PLEKHB1: variants seen among roughly 807,000 people sequenced by gnomAD.
PLEKHB1 encodes pleckstrin homology domain-containing family B member 1.
Under a neutral mutation model 36.2 loss-of-function variants are expected in PLEKHB1, and 29 were observed. That is an observed-to-expected ratio of 0.80 (90% CI 0.60 to 1.09). The LOEUF (loss-of-function observed/expected upper bound fraction) is 1.09, where lower values mean the gene tolerates loss of function less well. PLEKHB1 is among the 50% of genes least tolerant of loss of function. PLEKHB1 has a pLI of 0.00. For synonymous variants in PLEKHB1, 138 were observed against 140.0 expected, an observed-to-expected ratio of 0.99 and a Z score of 0.10; for missense variants, 330 against 348.2, an observed-to-expected ratio of 0.95 and a Z score of 0.42.
Position 73,655,898 on chromosome 11 carries a change from G to A in PLEKHB1, c.486G>A (p.Arg162=), listed in dbSNP as rs1239502302. The change falls in exon 6 of 8, where the codon AGG becomes AGA. Residue 162 remains arginine (R), a synonymous_variant. Transcript: ENST00000354190. ...CGTGGAGCCCCTGTAAGGTTGAGAG[G>A]CGGATCTGGGTAAGTGCTGGCTCGG... ...TRSWSPCKVE[R]RIWVRVYSPY... is the part of the protein sequence containing the mutation. 1 of 1,613,636 alleles carries A rather than the reference G, an allele frequency of 6.2e-7. No homozygotes were observed. The highest frequency in any genetic ancestry group is 1.3e-5 in the African/African-American group (1 of 74,874).
intron 2 of PLEKHB1, 140 bp downstream of exon 2, chr11:73,649,227 G>C: frequency 9.1e-7 from 1 of 1,102,302 alleles, no homozygotes; most frequent in Non-Finnish European, 1.3e-6. Flanking sequence ...TCTGCCTGAA[G>C]GTCCTTCCCA....
chr11:73,647,916 G>C, intron 1 of PLEKHB1: 1 of 985,460 alleles, frequency 1.0e-6, no homozygotes, highest in Non-Finnish European at 1.2e-6. Flanking sequence ...GTGGGGGAGG[G>C]GCGGAGGCAC....
chr11:73,648,710 T>A (rs1010176515), intron 1 of PLEKHB1: 13 of 1,110,894 alleles, frequency 1.2e-5, no homozygotes, highest in South Asian at 2.7e-5. Flanking sequence ...ATCTAGAAAC[T>A]GAGACCAGGA....
Position 73,660,839 on chromosome 11 carries a change from A to G in PLEKHB1, c.582A>G (p.Gly194=). The change falls in exon 7 of 8, where the codon GGA becomes GGG. Residue 194 remains glycine, a synonymous_variant. Coordinates refer to ENST00000354190, the MANE Select transcript of PLEKHB1 (RefSeq NM_021200.3). ...CCACGTATGTCCGCAGCTACTACGG[A>G]CCGCCCTACGCAGGTAAGTCTCCAG... ...HEATYVRSYY[G]PPYAGPGVTH... is the part of the protein sequence containing the mutation. 2 of 1,592,532 alleles carry G rather than the reference A, an allele frequency of 1.3e-6. No homozygotes were observed. Among genetic ancestry groups the G allele is most frequent in the South Asian group, 1.2e-5 (1 of 86,856 alleles).
In PLEKHB1 at chr11:73,662,166, G is replaced by C. The variant is rs1945139845; in HGVS notation, c.*564G>C. 1 of 152,636 alleles carries C rather than the reference G, an allele frequency of 6.6e-6. No individual in the cohort carries two copies. Among genetic ancestry groups the C allele is most frequent in the Non-Finnish European group, 1.5e-5 (1 of 68,274 alleles). The allele number at this position is 152,636 out of a possible 1,614,324, so 9.5% of individuals were successfully genotyped here. ...TTAAATGGGAGTTCATTTGGGCTGG[G>C]GTGGAGGCTGGGATCAGACCGTGGT... is the stretch of plus-strand genomic sequence containing the variant. On this transcript the variant is annotated 3_prime_UTR_variant, in exon 8 of 8. Transcript: ENST00000354190.
intron 5 of PLEKHB1, chr11:73,653,425 A>G (rs1043373107): frequency 6.4e-6 from 3 of 471,292 alleles, no homozygotes; most frequent in South Asian, 4.6e-5. Context: ...AGCTGCTACT[A>G]TGGGCCAGGT....
chr11:73,659,941 T>A (rs1945070154), intron 6 of PLEKHB1, among the ~76,000 whole-genome samples: 2 of 152,158 alleles, frequency 1.3e-5, no homozygotes, highest in African/African-American at 2.4e-5. Context: ...CAATTTTGGG[T>A]CAATGATGGA....
chr11:73,649,286 C>T lies in PLEKHB1; in HGVS notation c.94+199C>T, dbSNP rs142513754. 2.6e-3 allele frequency among the ~76,000 whole-genome samples: 401 copies of T among 152,316 alleles called. 2 individuals carry two copies. The highest frequency in any genetic ancestry group is 9.0e-3 in the African/African-American group (375 of 41,572). On this transcript the variant is annotated intron_variant, in intron 2 of 7. Transcript: ENST00000354190. ...TCTATTTGTTCATCACGACCCATCT[C>T]AGATGGGCCCCTCTCTGAGGAGCCT...
At chr11:73,647,499 G>T in intron 1 of PLEKHB1, 2 of 947,754 alleles carry the variant, frequency 2.1e-6, no homozygotes, top group Non-Finnish European at 2.5e-6. Flanking sequence ...CAGCTCTACA[G>T]GGGTAGACTA....
intron 3 of PLEKHB1, 176 bp from the exon 4 acceptor site, chr11:73,651,603 ATGGAAAGGT>A (rs916865745): frequency 4.5e-6 from 3 of 668,272 alleles, no homozygotes; most frequent in East Asian, 2.8e-5. Flanking sequence ...AAGCCTCAGC[ATGGAAAGGT>A]TGGAAAGGTT....
chr11:73,661,466 G>T lies in PLEKHB1; in HGVS notation c.596G>T (p.Gly199Val). 1 of 1,613,776 alleles carries T rather than the reference G, an allele frequency of 6.2e-7. No homozygotes were observed. Among genetic ancestry groups the T allele is most frequent in the South Asian group, 1.1e-5 (1 of 91,082 alleles). The part of the protein sequence containing the change: ...VRSYYGPPYA[G>V]PGVTHVIVRE... ...CCTCATGGGCTGTCTCCCTCTGCAG[G>T]CCCTGGCGTGACGCACGTGATAGTG... The change falls in exon 8 of 8, where the codon GGC (glycine) becomes GTC (valine). Residue 199 changes from glycine to valine, a missense_variant and splice_region_variant. Gly to Val is a moderately radical substitution (Grantham distance 109). Coordinates refer to ENST00000354190, the MANE Select transcript of PLEKHB1 (RefSeq NM_021200.3). This position sits in a 1 kb window ranked among gnomAD's most constrained non-coding sequence, Gnocchi z 4.6.
Position 73,648,996 on chromosome 11 carries a change from G to C in PLEKHB1, c.19-16G>C, listed in dbSNP as rs138039493. 1.0e-5 allele frequency: 16 copies of C among 1,580,710 alleles called. No homozygotes were observed. Among genetic ancestry groups the C allele is most frequent in the Non-Finnish European group, 1.3e-5 (15 of 1,163,222 alleles). The stretch of plus-strand genomic sequence containing the variant: ...GCTGCTGCTGAGGCCTGTGTCTCCC[G>C]TGGCTCCTCTGACAGGTCCCGCCTG... On this transcript the variant is annotated splice_polypyrimidine_tract_variant and intron_variant, in intron 1 of 7. Coordinates refer to ENST00000354190, the MANE Select transcript of PLEKHB1 (RefSeq NM_021200.3).
intron 2 of PLEKHB1, among the ~76,000 whole-genome samples, 189 bp downstream of exon 2, chr11:73,649,276 C>A (rs576909313): frequency 8.5e-5 from 13 of 152,268 alleles, no homozygotes; most frequent in Non-Finnish European, 1.6e-4. Context: ...TTGTTCATCA[C>A]GACCCATCTC....
chr11:73,653,360 C>G (rs1222433250), intron 5 of PLEKHB1: 7 of 553,232 alleles, frequency 1.3e-5, no homozygotes, highest in South Asian at 7.6e-5. Flanking sequence ...TTATTGTTCT[C>G]TCTCTGCAGA....
At chr11:73,653,069 A>C in intron 5 of PLEKHB1, 55 bp downstream of exon 5, 1 of 1,542,074 alleles carries the variant, frequency 6.5e-7, no homozygotes, top group Non-Finnish European at 8.9e-7. Flanking sequence ...CCATGGAATC[A>C]TGAGTGACTC....
chr11:73,661,247 G>T lies in PLEKHB1; in HGVS notation c.596-219G>T, dbSNP rs78737681. Among the ~76,000 whole-genome samples, 22 of 152,320 alleles carry T rather than the reference G, an allele frequency of 1.4e-4. No individual in the cohort carries two copies. In the South Asian group the frequency reaches 4.6e-3, roughly 32 times the overall value. On this transcript the variant is annotated intron_variant, in intron 7 of 7. Transcript: ENST00000354190. The surrounding 1 kb of genome is among the most constrained non-coding windows in gnomAD (Gnocchi z 4.6). ...CCTCGCTGCTCCGCCCTAGCCTGCCGTAGCGGACCCGTAGGTTCCGGGACA... is the reference window on the plus strand; with the variant it reads ...CCTCGCTGCTCCGCCCTAGCCTGCCTTAGCGGACCCGTAGGTTCCGGGACA...
intron 5 of PLEKHB1, among the ~76,000 whole-genome samples, chr11:73,655,066 C>T (rs1944965589): frequency 6.6e-6 from 1 of 152,150 alleles, no homozygotes; most frequent in African/African-American, 2.4e-5. Flanking sequence ...TGGGGCAAGT[C>T]AGTTCCACCA....
chr11:73,650,454 T>TA (rs1434430941), intron 2 of PLEKHB1, 99 bp from the exon 3 acceptor site: 1 of 1,341,440 alleles, frequency 7.5e-7, no homozygotes, highest in Non-Finnish European at 1.0e-6. Context: ...GTTGTAACAC[T>TA]AGGGACTGAG....
At chr11:73,660,597 G>GCCTTTCTC in intron 6 of PLEKHB1, 156 bp from the exon 7 acceptor site, 1 of 666,950 alleles carries the variant, frequency 1.5e-6, no homozygotes, top group Non-Finnish European at 2.6e-6. Context: ...GGAGGGCAGG[G>GCCTTTCTC]CCTTTCTCCA....
Sources: allele counts gnomAD v4.1 joint callset (sites outside exome capture counted in the v4.1 genomes callset), GRCh38; gene constraint gnomAD v4.1.1; non-coding constraint Gnocchi (gnomAD v3.1); transcripts MANE v1.5; gene names NCBI Gene and HGNC (gene_info 2026-07-23, HGNC 2026-07-21).